XCR1: variants seen among roughly 807,000 people sequenced by gnomAD.
XCR1 encodes chemokine XC receptor 1.
For synonymous variants in XCR1, 187 were observed against 188.5 expected (o/e 0.99, Z 0.06); for missense variants, 356 against 424.2 (o/e 0.84, Z 1.41).
intron 1 of XCR1, chr3:46,023,617 G>A (rs1466304391): frequency 8.6e-5 from 117 of 1,352,948 alleles, no homozygotes; most frequent in Non-Finnish European, 1.2e-4. Context: ...CTCTGCCGAG[G>A]ATGCGGAGGG....
chr3:46,021,733 T>C lies in XCR1; in HGVS notation c.215A>G (p.Asn72Ser). 1.2e-6 allele frequency: 2 copies of C among 1,613,624 alleles called. No homozygotes were observed. Among genetic ancestry groups the C allele is most frequent in the Non-Finnish European group, 1.7e-6 (2 of 1,179,884 alleles). ...LESLTNIFILNLCLSDLVFAC... is the reference protein window; with the variant it reads ...LESLTNIFILSLCLSDLVFAC... ...GAACACCAGGTCTGAGAGGCACAGG[T>C]TGAGGATGAAGATGTTGGTGAGGGA... The change falls in exon 2 of 2, where the codon AAC (asparagine) becomes AGC (serine). Residue 72 changes from asparagine to serine, a missense_variant. Physicochemically the swap from Asn to Ser is conservative, Grantham distance 46 (BLOSUM62 1). Coordinates refer to ENST00000309285, the MANE Select transcript of XCR1 (RefSeq NM_001024644.2). The surrounding 1 kb of genome is among the most constrained non-coding windows in gnomAD (Gnocchi z 4.7).
chr3:46,052,867 C>A (rs769209927), intron 5 of XCR1, among the ~76,000 whole-genome samples: 1 of 152,124 alleles, frequency 6.6e-6, no homozygotes, highest in Non-Finnish European at 1.5e-5. Context: ...GCGACCCTTG[C>A]GTGATATGTA....
At chr3:46,034,181 A>T (rs139883922) in intron 5 of XCR1, among the ~76,000 whole-genome samples, 4 of 152,254 alleles carry the variant, frequency 2.6e-5, no homozygotes, top group Non-Finnish European at 1.5e-5. Flanking sequence ...CACGTTGGTC[A>T]GGATGGTCTC....
upstream of XCR1, among the ~76,000 whole-genome samples, chr3:46,031,100 C>CT (rs1708386257): frequency 6.7e-6 from 1 of 150,098 alleles, no homozygotes; most frequent in African/African-American, 2.5e-5. Flanking sequence ...AGCCCTGCCC[C>CT]TTAGAAGTTG....
Position 46,023,177 on chromosome 3 carries a change from A to T in XCR1, c.-31-1199T>A, listed in dbSNP as rs1312735412. ...GCCCGTGGCGCGGGGCCTGAGGAGG[A>T]AGTGGAGAGATTGTTGCTCCCTCTG... is the stretch of plus-strand genomic sequence containing the variant. On this transcript the variant is annotated intron_variant, in intron 1 of 1. Transcript: ENST00000309285. 4 of 439,476 alleles carry T rather than the reference A, an allele frequency of 9.1e-6. No homozygotes were observed. In the East Asian group the frequency reaches 1.5e-4, roughly 17 times the overall value. The allele number at this position is 439,476 out of a possible 1,614,324, so 27.2% of individuals were successfully genotyped here.
In XCR1 at chr3:46,021,040, C is replaced by T. The variant is rs767388130; in HGVS notation, c.908G>A (p.Arg303Gln). Residue 303 changes from arginine to glutamine, a missense_variant, in exon 2 of 2, where the codon CGG becomes CAG. By Grantham distance (43) the Arg-to-Gln change is conservative (BLOSUM62 1). Transcript: ENST00000309285. The surrounding 1 kb of genome is among the most constrained non-coding windows in gnomAD (Gnocchi z 4.7). ...CTGCAGCCGGCAGAACCAGAACTGCCGGAGAACATGTTTCAGGTGTGTGCG... is the reference window on the plus strand; with the variant it reads ...CTGCAGCCGGCAGAACCAGAACTGCTGGAGAACATGTTTCAGGTGTGTGCG... Reference protein sequence around the residue: ...KFRTHLKHVLRQFWFCRLQAP... With the variant: ...KFRTHLKHVLQQFWFCRLQAP... 168 of 1,613,994 alleles carry T rather than the reference C, an allele frequency of 1.0e-4. 2 individuals carry two copies. In the Middle Eastern group the frequency reaches 4.9e-3, roughly 48 times the overall value.
At chr3:46,052,522 G>A (rs1697768572) in intron 5 of XCR1, among the ~76,000 whole-genome samples, 1 of 152,166 alleles carries the variant, frequency 6.6e-6, no homozygotes, top group Admixed American at 6.5e-5. Context: ...AGATCTGGTG[G>A]CATTCCTTTT....
intron 4 of XCR1, among the ~76,000 whole-genome samples, chr3:46,063,277 C>G (rs1166002469): frequency 6.6e-6 from 1 of 152,122 alleles, no homozygotes; most frequent in Non-Finnish European, 1.5e-5. Flanking sequence ...TAGTGGGAAG[C>G]TGCTACTAAT....
chr3:46,075,186 A>G (rs555478298), intron 2 of XCR1, among the ~76,000 whole-genome samples: 2 of 152,124 alleles, frequency 1.3e-5, no homozygotes, highest in East Asian at 3.9e-4. Context: ...AGTTAAAAAA[A>G]CCCAGAAGTA....
chr3:46,081,264 C>T (rs936783012), intron 1 of XCR1, among the ~76,000 whole-genome samples: 1 of 152,154 alleles, frequency 6.6e-6, no homozygotes, highest in Non-Finnish European at 1.5e-5. Context: ...ACTCAATGGC[C>T]AAACTAATTG....
intron 5 of XCR1, among the ~76,000 whole-genome samples, chr3:46,047,804 T>C (rs1228669557): frequency 6.6e-6 from 1 of 152,168 alleles, no homozygotes; most frequent in African/African-American, 2.4e-5. Flanking sequence ...GTTTGTGCCA[T>C]GATTTCTGAT....
intron 4 of XCR1, among the ~76,000 whole-genome samples, chr3:46,064,657 A>G (rs1171190558): frequency 1.3e-5 from 2 of 152,222 alleles, no homozygotes; most frequent in South Asian, 2.1e-4. Flanking sequence ...GAAGTGCGAC[A>G]CATGAAGCCA....
In XCR1 at chr3:46,039,833, T is replaced by C. The variant is rs191589560; in HGVS notation, c.-32+14087A>G. On this transcript the variant is annotated intron_variant, in intron 5 of 5. Transcript: ENST00000683768. ...TAGAGTTTTTCTATAAATTAAACAA[T>C]ATCAAAATCACACTTACGCAAGGCC... Among the ~76,000 whole-genome samples, 3 of 152,282 alleles carry C rather than the reference T, an allele frequency of 2.0e-5. No homozygotes were observed. The East Asian group carries it at 5.8e-4, about 29-fold the overall frequency.
intron 1 of XCR1, among the ~76,000 whole-genome samples, chr3:46,022,783 T>C (rs1208826402): frequency 6.6e-6 from 1 of 152,170 alleles, no homozygotes; most frequent in Non-Finnish European, 1.5e-5. Flanking sequence ...AACATAACAA[T>C]GTTTAGGACA....
At chr3:46,053,332 ACG>A (rs765576055) in intron 5 of XCR1, among the ~76,000 whole-genome samples, 5,744 of 138,366 alleles carry the variant, frequency 0.042, 290 homozygotes, top group Non-Finnish European at 0.055. Context: ...TAGGAAAAGC[ACG>A]AGGTCCTAAG....
chr3:46,025,686 C>T (rs1708274423), intron 1 of XCR1, among the ~76,000 whole-genome samples: 1 of 152,046 alleles, frequency 6.6e-6, no homozygotes, highest in South Asian at 2.1e-4. Context: ...TATATAAATC[C>T]TTACCACAAA....
At chr3:46,037,411 G>A (rs1195639172) in intron 5 of XCR1, among the ~76,000 whole-genome samples, 1 of 152,068 alleles carries the variant, frequency 6.6e-6, no homozygotes, top group Non-Finnish European at 1.5e-5. Context: ...AAAATATTGT[G>A]TGAGAAAGGT....
chr3:46,044,413 T>C (rs1452489379), intron 5 of XCR1, among the ~76,000 whole-genome samples: 1 of 152,200 alleles, frequency 6.6e-6, no homozygotes, highest in Non-Finnish European at 1.5e-5. Flanking sequence ...TGCCCACTTT[T>C]AATTAGGTTG....
chr3:46,076,472 G>A (rs1698262152), intron 2 of XCR1, among the ~76,000 whole-genome samples: 1 of 151,536 alleles, frequency 6.6e-6, no homozygotes, highest in South Asian at 2.1e-4. Flanking sequence ...TTCCTCAGCT[G>A]TAAAATGAGA....
Sources: allele counts gnomAD v4.1 joint callset (sites outside exome capture counted in the v4.1 genomes callset), GRCh38; gene constraint gnomAD v4.1.1; non-coding constraint Gnocchi (gnomAD v3.1); transcripts MANE v1.5; gene names NCBI Gene and HGNC (gene_info 2026-07-23, HGNC 2026-07-21).